The following SLC12A1 variants were observed in gnomAD, a reference collection of about 807,000 sequenced individuals.
The protein encoded by SLC12A1 is Na-K-2Cl cotransporter.
SLC12A1 carries 89 observed loss-of-function variants against 130.4 expected under a neutral mutation model. The ratio of observed to expected loss-of-function variants is 0.68; its 90% CI spans 0.58 to 0.81. The LOEUF is 0.81. Ranked by LOEUF, SLC12A1 falls within the 40% of genes least tolerant of loss-of-function variation. The pLI, the probability that SLC12A1 is intolerant of heterozygous loss-of-function variation, is 0.00. For synonymous variants in SLC12A1, 499 were observed against 460.0 expected (o/e 1.08, Z -1.09); for missense variants, 1,310 against 1,336.4 (o/e 0.98, Z 0.31).
intron 16 of SLC12A1, among the ~76,000 whole-genome samples, chr15:48,257,548 T>C (rs911572622): frequency 3.3e-5 from 5 of 152,158 alleles, no homozygotes; most frequent in Non-Finnish European, 7.3e-5. Flanking sequence ...TCAATTCTAG[T>C]CTTCTATGCA....
Position 48,255,330 on chromosome 15 carries a change from C to G in SLC12A1, c.1943-481C>G, listed in dbSNP as rs182060195. Among the ~76,000 whole-genome samples, 332 of 151,314 alleles carry G rather than the reference C, an allele frequency of 2.2e-3. 8 individuals are homozygous for G. The highest frequency in any genetic ancestry group is 3.4e-4 in the Non-Finnish European group (23 of 67,914). On this transcript the variant is annotated intron_variant, in intron 15 of 26. Coordinates refer to ENST00000380993, the MANE Select transcript of SLC12A1 (RefSeq NM_000338.3). ...GCGGGTGCCTGTAGTCACAGCTACTCAGGAGGCTGAGGCAGGAAAATCTCT... is the reference window on the plus strand; with the variant it reads ...GCGGGTGCCTGTAGTCACAGCTACTGAGGAGGCTGAGGCAGGAAAATCTCT...
intron 20 of SLC12A1, among the ~76,000 whole-genome samples, chr15:48,283,302 G>A (rs530853354): frequency 2.8e-4 from 42 of 152,306 alleles, no homozygotes; most frequent in African/African-American, 1.0e-3. Context: ...GAAATCCGAG[G>A]CATAGAAAAA....
At chr15:48,286,716 G>A (rs1597455075) in intron 21 of SLC12A1, among the ~76,000 whole-genome samples, 2 of 152,318 alleles carry the variant, frequency 1.3e-5, no homozygotes, top group Admixed American at 6.5e-5. Context: ...GAAAAGAAAA[G>A]TAATAATGTT....
intron 23 of SLC12A1, among the ~76,000 whole-genome samples, chr15:48,291,466 C>A (rs545837379): frequency 3.1e-4 from 47 of 152,258 alleles, no homozygotes; most frequent in African/African-American, 1.1e-3. Flanking sequence ...GACTTGCTGT[C>A]TTTCAAATAA....
chr15:48,243,023 T>C (rs2041535392), intron 10 of SLC12A1, among the ~76,000 whole-genome samples: 1 of 152,122 alleles, frequency 6.6e-6, no homozygotes. Flanking sequence ...CTTCTAGTTT[T>C]GCCCCTAAAG....
intron 4 of SLC12A1, chr15:48,225,820 T>G (rs752021918): frequency 3.9e-6 from 3 of 768,882 alleles, no homozygotes; most frequent in Non-Finnish European, 4.8e-6. Flanking sequence ...CTTCCACCAT[T>G]TAATACCTTT....
At chr15:48,288,560 G>A (rs1463552554) in intron 23 of SLC12A1, 44 bp downstream of exon 23, 3 of 924,664 alleles carry the variant, frequency 3.2e-6, no homozygotes, top group Non-Finnish European at 5.2e-6. Flanking sequence ...TCAGAGGTTT[G>A]TTGCTTTAAT....
rs776980829 is a variant in SLC12A1 at position 48,246,941 on chromosome 15, C to T, written c.1485C>T (p.Leu495=). 4 of 1,613,958 alleles carry T rather than the reference C, an allele frequency of 2.5e-6. No homozygotes were observed. Among genetic ancestry groups the T allele is most frequent in the South Asian group, 1.1e-5 (1 of 91,084 alleles). Residue 495 remains leucine (L), a synonymous_variant, in exon 12 of 27, where the codon CTC becomes CTT. Coordinates refer to ENST00000380993, the MANE Select transcript of SLC12A1 (RefSeq NM_000338.3). ...VMSMVSGFGP[L]ITAGIFSATL... ...GCATGGTATCAGGGTTCGGCCCCCT[C>T]ATCACTGCGGGAATCTTTTCTGCAA...
chr15:48,293,902 G>A (rs573299209), intron 24 of SLC12A1, among the ~76,000 whole-genome samples: 44 of 152,106 alleles, frequency 2.9e-4, no homozygotes, highest in South Asian at 2.5e-3. Context: ...GCCAGGCTTC[G>A]TGGTGTATGC....
chr15:48,258,821 G>A (rs2041738481), intron 16 of SLC12A1, among the ~76,000 whole-genome samples: 1 of 152,144 alleles, frequency 6.6e-6, no homozygotes, highest in Non-Finnish European at 1.5e-5. Flanking sequence ...CAATCATGGT[G>A]GAGGGTGAAT....
intron 10 of SLC12A1, among the ~76,000 whole-genome samples, chr15:48,243,847 G>C (rs796957239): frequency 6.6e-6 from 1 of 152,138 alleles, no homozygotes; most frequent in Non-Finnish European, 1.5e-5. Flanking sequence ...AGTTTTATTG[G>C]TTGGTATTTA....
intron 17 of SLC12A1, among the ~76,000 whole-genome samples, chr15:48,263,229 T>C (rs558432489): frequency 9.2e-5 from 14 of 152,188 alleles, no homozygotes; most frequent in African/African-American, 3.4e-4. Flanking sequence ...AAAAGTTAAT[T>C]GAATTGAAAG....
At chr15:48,281,499 G>T (rs1444417547) in intron 20 of SLC12A1, among the ~76,000 whole-genome samples, 3 of 152,166 alleles carry the variant, frequency 2.0e-5, no homozygotes, top group African/African-American at 7.2e-5. Flanking sequence ...TGCAGACTGG[G>T]TGTTCCTTCA....
In SLC12A1 at chr15:48,247,583, A is replaced by G; in HGVS notation, c.1684+123A>G. The G allele has an allele frequency of 4.1e-6, 3 of 739,976 alleles. No individual in the cohort carries two copies. The East Asian group carries it at 8.2e-5, about 20-fold the overall frequency. The allele number at this position is 739,976 out of a possible 1,614,324, so 45.8% of individuals were successfully genotyped here. A position where few individuals can be genotyped will look rare whatever the true frequency, so the allele number is the denominator to read the frequency against. ...TAGGATCCCATTTGGGAATATTGGC[A>G]TCTAAGAAGGAAATGAGAAATCCTT... is the stretch of plus-strand genomic sequence containing the variant. On this transcript the variant is annotated intron_variant, in intron 13 of 26. Coordinates refer to ENST00000380993, the MANE Select transcript of SLC12A1 (RefSeq NM_000338.3).
intron 20 of SLC12A1, among the ~76,000 whole-genome samples, chr15:48,275,497 A>G (rs982379820): frequency 3.9e-5 from 6 of 152,208 alleles, no homozygotes; most frequent in African/African-American, 1.2e-4. Context: ...ATTATGGGAA[A>G]GAAAGAAGGG....
chr15:48,244,939 T>A, intron 11 of SLC12A1, 35 bp downstream of exon 11: 1 of 1,601,048 alleles, frequency 6.2e-7, no homozygotes, highest in Non-Finnish European at 8.6e-7. Context: ...TCACTGCTAT[T>A]ATTTTCATTT....
intron 4 of SLC12A1, chr15:48,224,306 T>C (rs1456805452): frequency 6.6e-6 from 1 of 152,198 alleles, no homozygotes; most frequent in African/African-American, 2.4e-5. Flanking sequence ...TCTACCCATC[T>C]TAGGTTCATT....
rs115839986 is a variant in SLC12A1, at chr15:48,282,166, C to T, written c.2486-2940C>T. 4.9e-3 allele frequency among the ~76,000 whole-genome samples: 742 copies of T among 152,232 alleles called. 8 individuals are homozygous for T. Among genetic ancestry groups the T allele is most frequent in the Middle Eastern group, 0.044 (13 of 294 alleles). On this transcript the variant is annotated intron_variant, in intron 20 of 26. Transcript: ENST00000380993. ...ACACCATGGTATGGATCTGAAAATC[C>T]AAGATGGCAAAGCAAGCTGATTTTA...
intron 10 of SLC12A1, among the ~76,000 whole-genome samples, chr15:48,242,408 C>T (rs1270629694): frequency 6.6e-6 from 1 of 152,178 alleles, no homozygotes; most frequent in Non-Finnish European, 1.5e-5. Flanking sequence ...TGAGAAGGTA[C>T]ATGTACCTAC....
Sources: allele counts gnomAD v4.1 joint callset (sites outside exome capture counted in the v4.1 genomes callset), GRCh38; gene constraint gnomAD v4.1.1; transcripts MANE v1.5; gene names NCBI Gene and HGNC (gene_info 2026-07-23, HGNC 2026-07-21).